The following SYT9 variants were observed in gnomAD, a reference collection of about 807,000 sequenced individuals.
The protein encoded by SYT9 is synaptotagmin-9.
In SYT9, 22 loss-of-function variants were observed where a neutral mutation model predicts 48.4. That is an observed-to-expected ratio of 0.45 (90% CI 0.32 to 0.65). SYT9 has a LOEUF of 0.65. Ranked by LOEUF, SYT9 falls within the 30% of genes least tolerant of loss-of-function variation. SYT9 has a pLI of 0.03. For missense variants in SYT9, 577 were observed against 622.0 expected (o/e 0.93, Z 0.77); for synonymous variants, 265 against 245.0 (o/e 1.08, Z -0.76).
At chr11:7,240,265 T>C (rs1411727633) in intron 1 of SYT9, among the ~76,000 whole-genome samples, 1 of 152,184 alleles carries the variant, frequency 6.6e-6, no homozygotes, top group East Asian at 1.9e-4. Context: ...TGGCTGTCTA[T>C]ATTTGAAGGT....
chr11:7,430,091 G>T (rs546167503), intron 6 of SYT9, among the ~76,000 whole-genome samples: 4 of 152,234 alleles, frequency 2.6e-5, no homozygotes, highest in African/African-American at 9.6e-5. Flanking sequence ...CAAAAATGAA[G>T]ATCTACACTC....
chr11:7,249,451 A>G (rs1012930961), upstream of SYT9, among the ~76,000 whole-genome samples: 3 of 152,178 alleles, frequency 2.0e-5, no homozygotes, highest in African/African-American at 7.2e-5. Context: ...ATGGAATTGG[A>G]GGGATAGCTA....
chr11:7,266,854 T>A (rs956291801), intron 1 of SYT9, among the ~76,000 whole-genome samples: 1 of 152,084 alleles, frequency 6.6e-6, no homozygotes, highest in African/African-American at 2.4e-5. Flanking sequence ...GTGGCCTTAA[T>A]GATGCAATCA....
chr11:7,349,209 T>C (rs1167834820), intron 3 of SYT9, among the ~76,000 whole-genome samples: 1 of 151,944 alleles, frequency 6.6e-6, no homozygotes, highest in Admixed American at 6.6e-5. Flanking sequence ...GGAGGGGAAA[T>C]TGTTTAATGG....
chr11:7,260,139 G>A (rs1301015128), intron 1 of SYT9, among the ~76,000 whole-genome samples: 1 of 152,124 alleles, frequency 6.6e-6, no homozygotes, highest in Non-Finnish European at 1.5e-5. Flanking sequence ...CTATGTACAA[G>A]GTTGGGCATC....
At chr11:7,454,647 A>G (rs1420591182) in intron 6 of SYT9, among the ~76,000 whole-genome samples, 1 of 152,206 alleles carries the variant, frequency 6.6e-6, no homozygotes, top group Non-Finnish European at 1.5e-5. Flanking sequence ...CACATTTTAC[A>G]TTGTTATGCA....
chr11:7,435,596 T>G (rs11041381), intron 6 of SYT9: 23,851 of 152,274 alleles, frequency 0.16, 2,102 homozygotes, highest in Admixed American at 0.24. Flanking sequence ...TGCTGAGCCC[T>G]GTGCTATAGC....
chr11:7,349,060 A>G (rs533658585), intron 3 of SYT9, among the ~76,000 whole-genome samples: 1 of 151,964 alleles, frequency 6.6e-6, no homozygotes, highest in Non-Finnish European at 1.5e-5. Flanking sequence ...GCTTTTAGGG[A>G]GTGGCTTCCA....
intron 3 of SYT9, among the ~76,000 whole-genome samples, chr11:7,320,268 A>G (rs1172894930): frequency 1.3e-5 from 2 of 152,184 alleles, no homozygotes; most frequent in Non-Finnish European, 2.9e-5. Flanking sequence ...CAAAATGATC[A>G]TATACACTGG....
Position 7,252,912 on chromosome 11 carries a change from C to T in SYT9, c.145+581C>T, listed in dbSNP as rs538201611. On this transcript the variant is annotated intron_variant, in intron 1 of 6. Coordinates refer to ENST00000318881, the MANE Select transcript of SYT9 (RefSeq NM_175733.4). This position sits in a 1 kb window ranked among gnomAD's most constrained non-coding sequence, Gnocchi z 6.3. ...GGGCAGACGGGCCTGAACCCGTTCC[C>T]GGCGGGTCGCACGGCATGGAGGTGG... Among the ~76,000 whole-genome samples the T allele has an allele frequency of 1.3e-5, 2 of 152,336 alleles. No homozygotes were observed. Among genetic ancestry groups the T allele is most frequent in the African/African-American group, 2.4e-5 (1 of 41,582 alleles).
chr11:7,415,604 G>A (rs1406748226), intron 3 of SYT9, among the ~76,000 whole-genome samples: 3 of 152,144 alleles, frequency 2.0e-5, no homozygotes, highest in African/African-American at 7.2e-5. Flanking sequence ...CTACAGTACT[G>A]GAGGGCACCT....
At chr11:7,343,951 A>T (rs1167961175) in intron 3 of SYT9, among the ~76,000 whole-genome samples, 1 of 152,188 alleles carries the variant, frequency 6.6e-6, no homozygotes, top group African/African-American at 2.4e-5. Flanking sequence ...CATGAGACTT[A>T]TTCACTACCA....
chr11:7,307,179 AG>A, intron 2 of SYT9, among the ~76,000 whole-genome samples: 1 of 152,358 alleles, frequency 6.6e-6, no homozygotes, highest in South Asian at 2.1e-4. Context: ...CAGAATTGAA[AG>A]AGGAAGATAA....
chr11:7,466,159 C>A (rs1034595746), intron 6 of SYT9, among the ~76,000 whole-genome samples: 1 of 152,340 alleles, frequency 6.6e-6, no homozygotes, highest in East Asian at 1.9e-4. Context: ...TCCTCTACCC[C>A]AAGTGACCCT....
At chr11:7,246,293 C>T (rs192619872) in intron 1 of SYT9, among the ~76,000 whole-genome samples, 139 of 152,244 alleles carry the variant, frequency 9.1e-4, no homozygotes, top group South Asian at 5.2e-3. Context: ...ATCTATGCCA[C>T]GACAAGTACA....
At chr11:7,444,839 G>A (rs1275297300) in intron 6 of SYT9, among the ~76,000 whole-genome samples, 1 of 152,194 alleles carries the variant, frequency 6.6e-6, no homozygotes, top group African/African-American at 2.4e-5. Context: ...GGGACTTAGA[G>A]GTCAGTGGCT....
chr11:7,468,811 G>C lies in SYT9; in HGVS notation c.*2011G>C, dbSNP rs1367412928. 1 of 152,594 alleles carries C rather than the reference G, an allele frequency of 6.6e-6. No homozygotes were observed. Among genetic ancestry groups the C allele is most frequent in the African/African-American group, 2.4e-5 (1 of 41,468 alleles). 9.5% of individuals were successfully genotyped at this position (152,594 alleles called of 1,614,324 possible). The stretch of plus-strand genomic sequence containing the variant: ...TGGGATACTAATGAGGATGCAACTG[G>C]CTTATTGGTATGAAATAGAAGGTGG... On this transcript the variant is annotated 3_prime_UTR_variant, in exon 7 of 7. Coordinates refer to ENST00000318881, the MANE Select transcript of SYT9 (RefSeq NM_175733.4).
intron 3 of SYT9, among the ~76,000 whole-genome samples, chr11:7,365,177 T>C (rs1407395377): frequency 6.6e-6 from 1 of 151,804 alleles, no homozygotes; most frequent in Non-Finnish European, 1.5e-5. Flanking sequence ...GTCTTCATGA[T>C]TGTGGAAAAA....
chr11:7,348,688 CTTT>C (rs34752256), intron 3 of SYT9, among the ~76,000 whole-genome samples: 80 of 47,092 alleles, frequency 1.7e-3, no homozygotes, highest in African/African-American at 4.6e-3. Context: ...ATCAGACCTC[CTTT>C]TTTTTTTTTT....
Sources: gnomAD v4.1 joint callset for allele counts (sites outside exome capture counted in the v4.1 genomes callset) on GRCh38, gnomAD v4.1.1 for gene constraint, Gnocchi (gnomAD v3.1) non-coding constraint, MANE v1.5 for transcripts, NCBI Gene and HGNC (gene_info 2026-07-23, HGNC 2026-07-21) for gene names.